MGAT5: variants seen among roughly 807,000 people sequenced by gnomAD.
MGAT5 encodes alpha-1,6-mannosylglycoprotein 6-beta-N-acetylglucosaminyltransferase A.
In MGAT5, 30 loss-of-function variants were observed where a neutral mutation model predicts 94.3. The ratio of observed to expected loss-of-function variants is 0.32; its 90% CI spans 0.24 to 0.43. The LOEUF (loss-of-function observed/expected upper bound fraction) is 0.43. Ranked by LOEUF, MGAT5 falls within the 20% of genes least tolerant of loss-of-function variation. The pLI is 1.00. For synonymous variants in MGAT5, 310 were observed against 322.9 expected (o/e 0.96, Z 0.43); for missense variants, 691 against 905.5 (o/e 0.76, Z 3.04).
At chr2:134,160,248 A>G (rs565104930) in intron 1 of MGAT5, among the ~76,000 whole-genome samples, 9 of 152,108 alleles carry the variant, frequency 5.9e-5, no homozygotes, top group African/African-American at 2.2e-4. Flanking sequence ...ATCTCGGCTC[A>G]CTGCAAGCTC....
intron 15 of MGAT5, among the ~76,000 whole-genome samples, chr2:134,443,423 C>T (rs1371862843): frequency 5.9e-5 from 9 of 152,310 alleles, no homozygotes; most frequent in African/African-American, 2.2e-4. Context: ...AACTCCTGGC[C>T]TCAGGTGATC....
intron 4 of MGAT5, among the ~76,000 whole-genome samples, chr2:134,334,310 G>A (rs1387323839): frequency 6.6e-6 from 1 of 151,874 alleles, no homozygotes; most frequent in Non-Finnish European, 1.5e-5. Flanking sequence ...GTGGCAGAGT[G>A]AGGAGAGAAC....
At chr2:134,169,670 A>T (rs1165031071) in intron 1 of MGAT5, among the ~76,000 whole-genome samples, 1 of 152,232 alleles carries the variant, frequency 6.6e-6, no homozygotes, top group Non-Finnish European at 1.5e-5. Context: ...TATTTTCTTT[A>T]TCTATAGACA....
At position 134,422,783 on chromosome 2, in the gene MGAT5, G is replaced by C; in HGVS notation, c.1678-20G>C. ...TTTTAAAAATTGCTTGTGAGACTGA[G>C]GTGTTCGGTTCTTTTCCAGCTGACA... is the stretch of plus-strand genomic sequence containing the variant. On this transcript the variant is annotated intron_variant, in intron 12 of 15. Transcript: ENST00000281923. The C allele has an allele frequency of 6.3e-7, 1 of 1,597,252 alleles. No homozygotes were observed. Among genetic ancestry groups the C allele is most frequent in the Non-Finnish European group, 8.6e-7 (1 of 1,164,996 alleles).
chr2:134,452,692 A>G lies in MGAT5; in HGVS notation c.*3845A>G, dbSNP rs950864414. 6.6e-6 allele frequency: 1 copy of G among 152,230 alleles called. No individual in the cohort carries two copies. Among genetic ancestry groups the G allele is most frequent in the African/African-American group, 2.4e-5 (1 of 41,468 alleles). The allele number at this position is 152,230 out of a possible 1,614,324, so 9.4% of individuals were successfully genotyped here. A position where few individuals can be genotyped will look rare whatever the true frequency, so the allele number is the denominator to read the frequency against. On this transcript the variant is annotated 3_prime_UTR_variant, in exon 16 of 16. Coordinates refer to ENST00000281923, the MANE Select transcript of MGAT5 (RefSeq NM_002410.5). ...GGCCAAAAATTCTTGATTTAAAAAGAAAAGTCTATTTTGTTAACGACAGGC... is the reference window on the plus strand; with the variant it reads ...GGCCAAAAATTCTTGATTTAAAAAGGAAAGTCTATTTTGTTAACGACAGGC...
At chr2:134,293,957 C>G (rs72978108) in intron 2 of MGAT5, among the ~76,000 whole-genome samples, 3,212 of 152,202 alleles carry the variant, frequency 0.021, 122 homozygotes, top group African/African-American at 0.073. Flanking sequence ...TGGACCACAT[C>G]CTAGGCAGGT....
intron 1 of MGAT5, among the ~76,000 whole-genome samples, chr2:134,219,026 A>G (rs1680627292): frequency 6.6e-6 from 1 of 152,192 alleles, no homozygotes; most frequent in Non-Finnish European, 1.5e-5. Context: ...GCAGAAGTTG[A>G]TAAGCAAAGG....
chr2:134,409,887 C>T (rs1330264888), intron 11 of MGAT5, among the ~76,000 whole-genome samples: 1 of 152,162 alleles, frequency 6.6e-6, no homozygotes, highest in Non-Finnish European at 1.5e-5. Context: ...CTCTGCTTAG[C>T]ATTAGTTCAG....
chr2:134,279,314 G>A (rs1345652456), intron 2 of MGAT5, among the ~76,000 whole-genome samples: 1 of 151,812 alleles, frequency 6.6e-6, no homozygotes, highest in South Asian at 2.1e-4. Context: ...AAGAGCCTTT[G>A]TTTCACTTCA....
intron 1 of MGAT5, among the ~76,000 whole-genome samples, chr2:134,216,768 T>C (rs1047058330): frequency 3.9e-5 from 6 of 152,288 alleles, no homozygotes; most frequent in African/African-American, 1.4e-4. Flanking sequence ...GGGTGATTAT[T>C]GTGGTTTCTC....
chr2:134,267,681 T>G (rs145154610), intron 1 of MGAT5, among the ~76,000 whole-genome samples: 1 of 152,352 alleles, frequency 6.6e-6, no homozygotes, highest in African/African-American at 2.4e-5. Context: ...ACTCCACTAA[T>G]AACTATCACC....
intron 12 of MGAT5, among the ~76,000 whole-genome samples, chr2:134,418,788 G>A (rs1022553769): frequency 3.9e-5 from 6 of 152,156 alleles, no homozygotes; most frequent in East Asian, 1.9e-4. Flanking sequence ...CTGACAAGTC[G>A]GGGATACCCC....
In MGAT5 at chr2:134,309,314, T is replaced by A. The variant is rs116259906; in HGVS notation, c.407-8215T>A. ...ACAAATTTTTGTGTAGTTATGTTTT[T>A]ATTCTTTCATAGTGTAAACCAAGGA... On this transcript the variant is annotated intron_variant, in intron 2 of 15. Transcript: ENST00000281923. Among the ~76,000 whole-genome samples, 463 of 152,380 alleles carry A rather than the reference T, an allele frequency of 3.0e-3. 5 individuals carry two copies. The highest frequency in any genetic ancestry group is 0.011 in the African/African-American group (441 of 41,588).
At chr2:134,278,879 C>T (rs760382366) in intron 2 of MGAT5, among the ~76,000 whole-genome samples, 3 of 152,202 alleles carry the variant, frequency 2.0e-5, no homozygotes, top group Non-Finnish European at 2.9e-5. Flanking sequence ...ATTTGAAGCT[C>T]TGTCTCCCTA....
intron 1 of MGAT5, among the ~76,000 whole-genome samples, chr2:134,122,252 C>T (rs1371648439): frequency 6.6e-6 from 1 of 152,038 alleles, no homozygotes; most frequent in Non-Finnish European, 1.5e-5. Context: ...TTACAGGCGC[C>T]CGTCACCACA....
At chr2:134,324,068 T>C (rs1288379896) in intron 4 of MGAT5, among the ~76,000 whole-genome samples, 1 of 152,210 alleles carries the variant, frequency 6.6e-6, no homozygotes, top group Non-Finnish European at 1.5e-5. Flanking sequence ...TGATATTATG[T>C]TGATAGATGA....
chr2:134,372,097 G>T (rs894031715), intron 10 of MGAT5, among the ~76,000 whole-genome samples: 6 of 152,170 alleles, frequency 3.9e-5, no homozygotes, highest in African/African-American at 1.4e-4. Flanking sequence ...CTCCAAACAG[G>T]CAGGCTTGGG....
chr2:134,393,954 C>A (rs1429022766), intron 10 of MGAT5, among the ~76,000 whole-genome samples: 3 of 148,882 alleles, frequency 2.0e-5, no homozygotes, highest in Non-Finnish European at 3.0e-5. Flanking sequence ...TGAATTCAGG[C>A]TGCCCTTTTT....
chr2:134,159,610 G>A (rs1005023829), intron 1 of MGAT5, among the ~76,000 whole-genome samples: 14 of 152,170 alleles, frequency 9.2e-5, no homozygotes, highest in Admixed American at 5.2e-4. Context: ...AGGCTTTTGG[G>A]AGGCTGAGGC....
Sources: gnomAD v4.1 joint callset for allele counts (sites outside exome capture counted in the v4.1 genomes callset) on GRCh38, gnomAD v4.1.1 for gene constraint, MANE v1.5 for transcripts, NCBI Gene and HGNC (gene_info 2026-07-23, HGNC 2026-07-21) for gene names.